Variants in GALNT17 observed in about 807,000 individuals in gnomAD.
The protein encoded by GALNT17 is UDP-GalNAc:polypeptide N-acetylgalactosaminyltransferase-like 3.
Under a neutral mutation model 63.7 loss-of-function variants are expected in GALNT17, and 29 were observed. The observed-to-expected ratio is 0.46, with a 90% confidence interval of 0.34 to 0.62. The LOEUF is 0.62. Ranked by LOEUF, GALNT17 falls within the 20% of genes least tolerant of loss-of-function variation. The pLI, the probability that GALNT17 is intolerant of heterozygous loss-of-function variation, is 0.01. For missense variants in GALNT17, 603 were observed against 799.6 expected, an observed-to-expected ratio of 0.75 and a Z score of 2.97; for synonymous variants, 305 against 318.3, an observed-to-expected ratio of 0.96 and a Z score of 0.45.
Position 71,637,489 on chromosome 7 carries a change from A to ATTTT in GALNT17, c.1081-27910_1081-27907dup, listed in dbSNP as rs78580954. Among the ~76,000 whole-genome samples the ATTTT allele has an allele frequency of 6.0e-3, 869 of 143,866 alleles. 14 individuals are homozygous for ATTTT. The highest frequency in any genetic ancestry group is 0.02 in the African/African-American group (802 of 39,350). The allele number at this position is 143,866 out of a possible 152,430, so 94.4% of individuals were successfully genotyped here. Reference sequence around the variant, plus strand: ...CAGGCGTGAGCCACCGCACCTGGCCATTTTTTTTTTTTTTTAGCCATCAAG... The same window carrying ATTTT: ...CAGGCGTGAGCCACCGCACCTGGCCATTTTTTTTTTTTTTTTTTTAGCCATCAAG... On this transcript the variant is annotated intron_variant, in intron 6 of 10. Coordinates refer to ENST00000333538, the MANE Select transcript of GALNT17 (RefSeq NM_022479.3).
intron 1 of GALNT17, among the ~76,000 whole-genome samples, chr7:71,325,402 T>C (rs1054158600): frequency 5.3e-5 from 8 of 152,166 alleles, no homozygotes; most frequent in African/African-American, 1.9e-4. Flanking sequence ...CATGCTGGGC[T>C]GGGGCTGCTG....
chr7:71,473,466 C>T (rs968112706), intron 5 of GALNT17, among the ~76,000 whole-genome samples: 2 of 152,162 alleles, frequency 1.3e-5, no homozygotes, highest in Non-Finnish European at 2.9e-5. Context: ...ATTTGGATTT[C>T]CTTCAGGGTC....
intron 1 of GALNT17, among the ~76,000 whole-genome samples, chr7:71,256,579 T>A (rs1400934469): frequency 1.3e-5 from 2 of 151,772 alleles, no homozygotes; most frequent in Admixed American, 1.3e-4. Flanking sequence ...CTCAAAAAAA[T>A]AAAAACCAAA....
At chr7:71,217,000 G>A (rs568181832) in intron 1 of GALNT17, among the ~76,000 whole-genome samples, 1 of 152,136 alleles carries the variant, frequency 6.6e-6, no homozygotes, top group Non-Finnish European at 1.5e-5. Flanking sequence ...GTCTTGCCCT[G>A]TTGTTTAGCC....
intron 1 of GALNT17, among the ~76,000 whole-genome samples, chr7:71,265,118 A>ATATATATATATATATATTTTTTT (rs1390488895): frequency 8.0e-5 from 3 of 37,458 alleles, no homozygotes; most frequent in African/African-American, 2.1e-4. Flanking sequence ...ATATATATAT[A>ATATATATATATATATATTTTTTT]TTTTTTTTTT....
intron 3 of GALNT17, among the ~76,000 whole-genome samples, chr7:71,394,446 G>A (rs1793103409): frequency 6.6e-6 from 1 of 152,132 alleles, no homozygotes; most frequent in South Asian, 2.1e-4. Context: ...CTTAAACTGG[G>A]ATCACTTGTG....
At chr7:71,398,522 T>G (rs990587108) in intron 3 of GALNT17, among the ~76,000 whole-genome samples, 2 of 152,232 alleles carry the variant, frequency 1.3e-5, no homozygotes, top group African/African-American at 4.8e-5. Context: ...ATTTTTTGTT[T>G]TAACTTTTTC....
intron 5 of GALNT17, among the ~76,000 whole-genome samples, chr7:71,545,819 C>A (rs1265279233): frequency 6.6e-6 from 1 of 152,170 alleles, no homozygotes; most frequent in Non-Finnish European, 1.5e-5. Flanking sequence ...TTTGATGGAG[C>A]TTCAGCTATG....
chr7:71,196,224 C>T (rs1002082605), intron 1 of GALNT17, among the ~76,000 whole-genome samples: 15 of 151,516 alleles, frequency 9.9e-5, no homozygotes, highest in South Asian at 4.2e-4. Context: ...CTGCAAACTC[C>T]GCCTCCAGGT....
intron 5 of GALNT17, among the ~76,000 whole-genome samples, chr7:71,538,696 G>A (rs1045756575): frequency 1.4e-4 from 21 of 151,988 alleles, no homozygotes; most frequent in African/African-American, 4.8e-4. Flanking sequence ...TTTAAAAGTG[G>A]GTTTCTGCAG....
chr7:71,216,202 G>C (rs1197228161), intron 1 of GALNT17, among the ~76,000 whole-genome samples: 1 of 152,104 alleles, frequency 6.6e-6, no homozygotes, highest in Non-Finnish European at 1.5e-5. Flanking sequence ...GGGCAACAGA[G>C]CAAGACCCTG....
chr7:71,291,072 G>C (rs1204131279), intron 1 of GALNT17, among the ~76,000 whole-genome samples: 3 of 152,164 alleles, frequency 2.0e-5, no homozygotes, highest in Non-Finnish European at 4.4e-5. Flanking sequence ...TTGGTACCCA[G>C]CTTAAGTGCC....
At position 71,199,729 on chromosome 7, in the gene GALNT17, C is replaced by T. The variant is rs187683172; in HGVS notation, c.238+66689C>T. Among the ~76,000 whole-genome samples, 120 of 147,428 alleles carry T rather than the reference C, an allele frequency of 8.1e-4. 1 individual carries two copies. The highest frequency in any genetic ancestry group is 2.6e-3 in the African/African-American group (107 of 40,742). Reference sequence around the variant, plus strand: ...TCCATCCATGTATGTGTCCACCCACCCACCCATGCACTTATCCATTAGCTC... The same window carrying T: ...TCCATCCATGTATGTGTCCACCCACTCACCCATGCACTTATCCATTAGCTC... On this transcript the variant is annotated intron_variant, in intron 1 of 10. Transcript: ENST00000333538.
At chr7:71,514,409 G>A (rs1473898492) in intron 5 of GALNT17, among the ~76,000 whole-genome samples, 1 of 152,026 alleles carries the variant, frequency 6.6e-6, no homozygotes, top group Non-Finnish European at 1.5e-5. Context: ...ACAGTGGGGG[G>A]TGGAGGGCCC....
At chr7:71,666,421 ATTAG>A (rs1375875892) in intron 7 of GALNT17, among the ~76,000 whole-genome samples, 2 of 150,864 alleles carry the variant, frequency 1.3e-5, no homozygotes, top group African/African-American at 2.4e-5. Flanking sequence ...TTATTTTTCT[ATTAG>A]TTATTGGGGT....
chr7:71,602,095 G>A (rs1789974808), intron 6 of GALNT17, among the ~76,000 whole-genome samples: 1 of 152,138 alleles, frequency 6.6e-6, no homozygotes, highest in Non-Finnish European at 1.5e-5. Context: ...GACTTCCCCC[G>A]GGGCCTGTCT....
chr7:71,702,000 TA>T (rs1385736123), intron 9 of GALNT17, among the ~76,000 whole-genome samples: 31 of 151,034 alleles, frequency 2.1e-4, no homozygotes, highest in Non-Finnish European at 1.5e-5. Flanking sequence ...AACATAGATG[TA>T]GCTGGAGGCC....
At chr7:71,600,477 C>A (rs569079215) in intron 6 of GALNT17, among the ~76,000 whole-genome samples, 1 of 152,170 alleles carries the variant, frequency 6.6e-6, no homozygotes, top group Admixed American at 6.5e-5. Context: ...TGTAATCATT[C>A]CCCACGTGCC....
intron 9 of GALNT17, among the ~76,000 whole-genome samples, chr7:71,705,881 G>A (rs1484632676): frequency 2.0e-5 from 3 of 152,138 alleles, no homozygotes. Flanking sequence ...AGGCAGGAAA[G>A]CCTACTGAAC....
Sources: gnomAD v4.1 joint callset for allele counts (sites outside exome capture counted in the v4.1 genomes callset) on GRCh38, gnomAD v4.1.1 for gene constraint, MANE v1.5 for transcripts, NCBI Gene and HGNC (gene_info 2026-07-23, HGNC 2026-07-21) for gene names.